CPLANE1: variants seen among roughly 807,000 people sequenced by gnomAD.
The protein encoded by CPLANE1 is ciliogenesis and planar polarity effector 1.
A neutral mutation model predicts 362.5 loss-of-function variants in CPLANE1; 263 were observed. The ratio of observed to expected loss-of-function variants is 0.73; its 90% CI spans 0.66 to 0.80. CPLANE1 has a LOEUF of 0.80. CPLANE1 is among the 30% of genes least tolerant of loss of function. The pLI, the probability that CPLANE1 is intolerant of heterozygous loss-of-function variation, is 0.00. For synonymous variants in CPLANE1, 1,212 were observed against 1,302.6 expected (o/e 0.93, Z 1.50); for missense variants, 3,461 against 3,793.4 (o/e 0.91, Z 2.30).
intron 12 of CPLANE1, among the ~76,000 whole-genome samples, chr5:37,225,502 A>G (rs1420930161): frequency 1.3e-5 from 2 of 152,150 alleles, no homozygotes; most frequent in African/African-American, 2.4e-5. Context: ...AAAGTGCTCG[A>G]TCACAGGCGT....
intron 8 of CPLANE1, among the ~76,000 whole-genome samples, chr5:37,238,420 T>A (rs1581001542): frequency 2.0e-5 from 3 of 150,708 alleles, no homozygotes; most frequent in African/African-American, 7.3e-5. Flanking sequence ...TGACCTCAGG[T>A]GATCCACCTA....
At chr5:37,167,289 A>G in intron 34 of CPLANE1, 76 bp from the exon 35 acceptor site, 1 of 1,112,564 alleles carries the variant, frequency 9.0e-7, no homozygotes, top group South Asian at 1.5e-5. Context: ...AAGACTGAGG[A>G]AAAATACATT....
Position 37,183,183 on chromosome 5 carries a change from A to T in CPLANE1, c.4998T>A (p.Asn1666Lys). ...GIKPFLQYPS[N>K]EVNKNEGMSG... ...TCATTCCTTCATTCTTATTGACTTCATTCGAAGGATATTGTAAAAAAGGTT... is the reference window on the plus strand; with the variant it reads ...TCATTCCTTCATTCTTATTGACTTCTTTCGAAGGATATTGTAAAAAAGGTT... Residue 1666 changes from asparagine to lysine, a missense_variant, in exon 26 of 53, where the codon AAT (asparagine) becomes AAA (lysine). Transcript: ENST00000651892. 1.2e-6 allele frequency: 2 copies of T among 1,611,560 alleles called. 1 individual carries two copies. Among genetic ancestry groups the T allele is most frequent in the South Asian group, 2.2e-5 (2 of 90,736 alleles).
the CPLANE1 span, among the ~76,000 whole-genome samples, chr5:37,079,384 C>T: frequency 6.6e-6 from 1 of 152,078 alleles, no homozygotes; most frequent in African/African-American, 2.4e-5. Flanking sequence ...ATTCTTAATA[C>T]TGGGGTAATA....
chr5:37,163,394 G>A (rs1448836520), intron 37 of CPLANE1, among the ~76,000 whole-genome samples: 1 of 152,122 alleles, frequency 6.6e-6, no homozygotes, highest in East Asian at 1.9e-4. Context: ...TTGGGGCAGA[G>A]TAGAAATAAT....
At chr5:37,161,053 T>C (rs1211351503) in intron 38 of CPLANE1, among the ~76,000 whole-genome samples, 2 of 152,224 alleles carry the variant, frequency 1.3e-5, no homozygotes, top group East Asian at 1.9e-4. Context: ...AAGTCTCTTA[T>C]GCAGGAAGAT....
the CPLANE1 span, among the ~76,000 whole-genome samples, chr5:37,097,728 C>T: frequency 6.6e-6 from 1 of 152,102 alleles, no homozygotes; most frequent in Non-Finnish European, 1.5e-5. Context: ...AAACAAAAAC[C>T]TGCCTAACAA....
chr5:37,121,486 T>A lies in CPLANE1; in HGVS notation c.9185+131A>T, dbSNP rs769430882. 657 of 820,874 alleles carry A rather than the reference T, an allele frequency of 8.0e-4. 1 individual carries two copies. The highest frequency in any genetic ancestry group is 1.1e-3 in the Non-Finnish European group (583 of 524,896). The allele number at this position is 820,874 out of a possible 1,614,324, so 50.8% of individuals were successfully genotyped here. ...AAGACCTCATGATTATGAGGCTACT[T>A]TTTTCCTTTATCATCATAACTCTAA... On this transcript the variant is annotated intron_variant, in intron 49 of 52. Coordinates refer to ENST00000651892, the MANE Select transcript of CPLANE1 (RefSeq NM_001384732.1).
In CPLANE1 at chr5:37,221,428, A is replaced by G. The variant is rs1441469685; in HGVS notation, c.2642T>C (p.Leu881Pro). 6.5e-7 allele frequency: 1 copy of G among 1,535,176 alleles called. No individual in the cohort carries two copies. The highest frequency in any genetic ancestry group is 2.1e-5 in the Admixed American group (1 of 47,784). ...RYYLSLLYCH[L>P]YSYNLNDAQG... is the part of the protein sequence containing the mutation. ...AGCATCATTTAAATTATAGCTATAG[A>G]GGTGGCAGTATAAGAGAGAAAGATA... is the stretch of plus-strand genomic sequence containing the variant. Residue 881 changes from leucine (L) to proline (P), a missense_variant, in exon 15 of 53, where the codon CTC (leucine) becomes CCC (proline). Physicochemically the swap from Leu to Pro is moderately conservative, Grantham distance 98. This residue lies in a region of CPLANE1 where 3,380 missense variants were observed against 3,666.1 expected (regional missense o/e 0.92). Coordinates refer to ENST00000651892, the MANE Select transcript of CPLANE1 (RefSeq NM_001384732.1).
intron 32 of CPLANE1, among the ~76,000 whole-genome samples, chr5:37,171,967 G>A (rs552142246): frequency 1.3e-5 from 2 of 151,710 alleles, no homozygotes; most frequent in Non-Finnish European, 2.9e-5. Flanking sequence ...TTTGCTTTTT[G>A]AGTTTTTGTT....
intron 47 of CPLANE1, 95 bp from the exon 48 acceptor site, chr5:37,122,583 C>CGACAG: frequency 1.1e-6 from 1 of 923,256 alleles, no homozygotes; most frequent in Non-Finnish European, 1.7e-6. Flanking sequence ...GTACAAAACA[C>CGACAG]TGTCGTGTTT....
chr5:37,119,066 G>C (rs545643379), intron 50 of CPLANE1, among the ~76,000 whole-genome samples: 1 of 151,942 alleles, frequency 6.6e-6, no homozygotes, highest in Non-Finnish European at 1.5e-5. Context: ...ATTATAATAC[G>C]TTGTTAATAT....
At chr5:37,205,484 A>G in intron 17 of CPLANE1, 30 bp from the exon 18 acceptor site, 1 of 1,450,100 alleles carries the variant, frequency 6.9e-7, no homozygotes, top group Non-Finnish European at 9.2e-7. Flanking sequence ...AGGGAAATGA[A>G]TCCAAATTTT....
At position 37,205,296 on chromosome 5, in the gene CPLANE1, C is replaced by CTATACA. The variant is rs1257748127; in HGVS notation, c.3289+13_3289+18dup. 6.5e-7 allele frequency: 1 copy of CTATACA among 1,534,264 alleles called. No individual in the cohort carries two copies. Among genetic ancestry groups the CTATACA allele is most frequent in the Admixed American group, 2.1e-5 (1 of 47,778 alleles). Reference sequence around the variant, plus strand: ...TTATATTAATCTGACACGAATCAGACTATACATACATAACACACCTGTAAA... The same window carrying CTATACA: ...TTATATTAATCTGACACGAATCAGACTATACATATACATACATAACACACCTGTAAA... On this transcript the variant is annotated intron_variant, in intron 18 of 52. Coordinates refer to ENST00000651892, the MANE Select transcript of CPLANE1 (RefSeq NM_001384732.1).
chr5:37,204,435 A>T (rs1018738924), intron 18 of CPLANE1, among the ~76,000 whole-genome samples: 1 of 152,174 alleles, frequency 6.6e-6, no homozygotes, highest in African/African-American at 2.4e-5. Context: ...ATTTTATAGG[A>T]TTCCTGTGTG....
intron 44 of CPLANE1, chr5:37,141,548 CTTTTA>C: frequency 1.0e-6 from 1 of 976,872 alleles, no homozygotes; most frequent in Non-Finnish European, 1.2e-6. Flanking sequence ...AATAGGTTTT[CTTTTA>C]TTTAAGTAAC....
In CPLANE1 at chr5:37,198,655, G is replaced by C. The variant is rs373732563; in HGVS notation, c.3672+47C>G. ...TATAAAAACAATAATATAAATATGA[G>C]TAATTTCAGTTAACACAGCATGTAA... On this transcript the variant is annotated intron_variant, in intron 20 of 52. Coordinates refer to ENST00000651892, the MANE Select transcript of CPLANE1 (RefSeq NM_001384732.1). 2.6e-6 allele frequency: 4 copies of C among 1,524,468 alleles called. No individual in the cohort carries two copies. In the African/African-American group the frequency reaches 5.6e-5, roughly 21 times the overall value. 94.4% of individuals were successfully genotyped at this position (1,524,468 alleles called of 1,614,324 possible).
At chr5:37,177,342 T>TAA (rs1309452045) in intron 30 of CPLANE1, among the ~76,000 whole-genome samples, 2 of 152,240 alleles carry the variant, frequency 1.3e-5, no homozygotes, top group Admixed American at 6.5e-5. Flanking sequence ...ACTTAGCAGC[T>TAA]AAATAAGCTT....
At chr5:37,115,629 ACT>A (rs1760720346) in intron 50 of CPLANE1, among the ~76,000 whole-genome samples, 1 of 134,446 alleles carries the variant, frequency 7.4e-6, no homozygotes, top group Non-Finnish European at 1.5e-5. Flanking sequence ...ATGGAGTCTC[ACT>A]CTGTCACCAG....
Sources: allele counts gnomAD v4.1 joint callset (sites outside exome capture counted in the v4.1 genomes callset), GRCh38; gene constraint gnomAD v4.1.1; regional missense constraint gnomAD v4.1.1; transcripts MANE v1.5; gene names NCBI Gene and HGNC (gene_info 2026-07-23, HGNC 2026-07-21).